FRY: variants seen among roughly 807,000 people sequenced by gnomAD.
FRY encodes protein furry homolog.
Under a neutral mutation model 348.4 loss-of-function variants are expected in FRY, and 128 were observed. That is an observed-to-expected ratio of 0.37 (90% CI 0.32 to 0.43). FRY has a LOEUF of 0.43. Among genes scored for constraint, FRY ranks in the 20% least tolerant of loss-of-function variants. FRY has a pLI of 1.00. For synonymous variants in FRY, 1,370 were observed against 1,374.7 expected (o/e 1.00, Z 0.08); for missense variants, 2,736 against 3,695.2 (o/e 0.74, Z 6.73).
At chr13:32,261,013 T>A (rs990654798) in intron 51 of FRY, among the ~76,000 whole-genome samples, 1 of 152,178 alleles carries the variant, frequency 6.6e-6, no homozygotes, top group Non-Finnish European at 1.5e-5. Context: ...AAAGTTAAGG[T>A]GTTGCTGCTC....
At chr13:32,290,755 C>T (rs1191908836) in intron 59 of FRY, among the ~76,000 whole-genome samples, 1 of 151,086 alleles carries the variant, frequency 6.6e-6, no homozygotes, top group Non-Finnish European at 1.5e-5. Context: ...GGGACAGAAG[C>T]GCTAGGTATG....
intron 4 of FRY, among the ~76,000 whole-genome samples, chr13:32,120,790 T>C (rs1207458563): frequency 6.6e-6 from 1 of 152,208 alleles, no homozygotes; most frequent in Non-Finnish European, 1.5e-5. Context: ...GCCTCCCAAG[T>C]AGCTGGAACT....
intron 2 of FRY, among the ~76,000 whole-genome samples, chr13:32,079,304 G>T (rs1875320146): frequency 6.6e-6 from 1 of 152,076 alleles, no homozygotes; most frequent in Non-Finnish European, 1.5e-5. Context: ...AATTTAACAA[G>T]AAGAAGTATC....
rs1169375154 is a variant in FRY, at chr13:32,265,588, C to T, written c.7918C>T (p.Arg2640Trp). 3.7e-6 allele frequency: 6 copies of T among 1,614,128 alleles called. No homozygotes were observed. The highest frequency in any genetic ancestry group is 1.1e-5 in the South Asian group (1 of 91,068). The change falls in exon 54 of 61, where the codon CGG (arginine) becomes TGG (tryptophan). Residue 2640 changes from arginine to tryptophan, a missense_variant. Physicochemically the swap from Arg to Trp is moderately radical, Grantham distance 101. This residue lies in a region of FRY where 789 missense variants were observed against 996.2 expected (regional missense o/e 0.79). Coordinates refer to ENST00000542859, the MANE Select transcript of FRY (RefSeq NM_023037.3). ...DMTEGEEKGN[R>W]ALDQFTLASF... Reference sequence around the variant, plus strand: ...GACTGAGGGGGAAGAAAAAGGCAATCGGGCACTGGACCAGTTTACCCTGGC... The same window carrying T: ...GACTGAGGGGGAAGAAAAAGGCAATTGGGCACTGGACCAGTTTACCCTGGC...
At chr13:32,270,204 A>G (rs1421516300) in intron 55 of FRY, among the ~76,000 whole-genome samples, 1 of 151,430 alleles carries the variant, frequency 6.6e-6, no homozygotes, top group East Asian at 1.9e-4. Context: ...ATATTTTTCT[A>G]AAAGCTTTTT....
Position 32,228,571 on chromosome 13 carries a change from G to A in FRY, c.5322G>A (p.Gln1774=). ...GAGGCAGCAGTGGAAACCTCCCACA[G>A]ATGACCCAGGAGGTAGAAGATGTGG... ...SLGGSSGNLP[Q]MTQEVEDVDT... The change falls in exon 40 of 61, where the codon CAG becomes CAA. Residue 1774 remains glutamine, a synonymous_variant. Coordinates refer to ENST00000542859, the MANE Select transcript of FRY (RefSeq NM_023037.3). 6.2e-7 allele frequency: 1 copy of A among 1,614,014 alleles called. No individual in the cohort carries two copies. The highest frequency in any genetic ancestry group is 1.1e-5 in the South Asian group (1 of 91,074).
Position 32,209,151 on chromosome 13 carries a change from C to T in FRY, c.4275+42C>T, listed in dbSNP as rs761212142. ...TGTGCTTCAAATAGCATGGCTCCAT[C>T]ATCAGAAAAAAACCCTGGGTTAGTC... On this transcript the variant is annotated intron_variant, in intron 32 of 60. Coordinates refer to ENST00000542859, the MANE Select transcript of FRY (RefSeq NM_023037.3). 8.7e-6 allele frequency: 14 copies of T among 1,611,796 alleles called. No individual in the cohort carries two copies. In the South Asian group the frequency reaches 1.1e-4, roughly 13 times the overall value.
At chr13:32,033,210 A>G (rs1306440527) in intron 1 of FRY, among the ~76,000 whole-genome samples, 1 of 152,124 alleles carries the variant, frequency 6.6e-6, no homozygotes, top group African/African-American at 2.4e-5. Context: ...TGGACTCATT[A>G]TTTTTATAAT....
At chr13:32,111,935 A>G (rs958305498) in intron 3 of FRY, among the ~76,000 whole-genome samples, 1 of 152,170 alleles carries the variant, frequency 6.6e-6, no homozygotes, top group Non-Finnish European at 1.5e-5. Context: ...CTTTCTCTCA[A>G]GGGTCTAATG....
chr13:32,126,208 G>A (rs1879006922), intron 7 of FRY, among the ~76,000 whole-genome samples: 1 of 152,176 alleles, frequency 6.6e-6, no homozygotes, highest in South Asian at 2.1e-4. Flanking sequence ...TATACTTGCT[G>A]ATTTGTCAAA....
At chr13:32,042,363 T>C (rs1472599018) in intron 1 of FRY, among the ~76,000 whole-genome samples, 3 of 152,240 alleles carry the variant, frequency 2.0e-5, no homozygotes, top group Admixed American at 6.5e-5. Flanking sequence ...GGTTATTACA[T>C]AGAACATATT....
rs1368618910 is a variant in FRY at position 32,234,785 on chromosome 13, C to G, written c.5715+24C>G. On this transcript the variant is annotated intron_variant, in intron 42 of 60. Transcript: ENST00000542859. ...AGGTATGGAAGGGAAGACCACTGAG[C>G]TCGTGAAGGATGAGCTCTCTCATCT... is the stretch of plus-strand genomic sequence containing the variant. The G allele has an allele frequency of 3.1e-6, 5 of 1,589,166 alleles. No homozygotes were observed. In the South Asian group the frequency reaches 4.4e-5, roughly 14 times the overall value.
In FRY at chr13:32,119,749, C is replaced by T. The variant is rs192801937; in HGVS notation, c.464+2276C>T. 2.6e-4 allele frequency among the ~76,000 whole-genome samples: 40 copies of T among 152,276 alleles called. No individual in the cohort carries two copies. In the East Asian group the frequency reaches 7.5e-3, roughly 29 times the overall value. On this transcript the variant is annotated intron_variant, in intron 4 of 60. Coordinates refer to ENST00000542859, the MANE Select transcript of FRY (RefSeq NM_023037.3). ...ATAGATTTTCCTTTCCCCCAGCTCG[C>T]AGTGCCGCTTACTAGTTCCAGTGGG...
At chr13:32,167,585 T>C (rs915603587) in intron 17 of FRY, among the ~76,000 whole-genome samples, 1 of 152,176 alleles carries the variant, frequency 6.6e-6, no homozygotes, top group African/African-American at 2.4e-5. Flanking sequence ...CCAAATAAGG[T>C]CACATTCTGA....
intron 8 of FRY, among the ~76,000 whole-genome samples, chr13:32,133,300 G>A (rs1879487795): frequency 6.6e-6 from 1 of 152,158 alleles, no homozygotes; most frequent in Admixed American, 6.5e-5. Context: ...GACCTGACCA[G>A]TCACACTTAA....
At chr13:32,057,257 T>G (rs953980065) in intron 1 of FRY, among the ~76,000 whole-genome samples, 1 of 152,054 alleles carries the variant, frequency 6.6e-6, no homozygotes, top group Non-Finnish European at 1.5e-5. Flanking sequence ...TGCAACCTTC[T>G]GTCTCCCGGT....
chr13:32,194,002 T>C, intron 28 of FRY, 141 bp from the exon 29 acceptor site: 1 of 782,106 alleles, frequency 1.3e-6, no homozygotes, highest in Admixed American at 1.9e-5. Context: ...TCTTGAAGAA[T>C]ATATGACATA....
At chr13:32,050,088 A>G (rs1274803609) in intron 1 of FRY, among the ~76,000 whole-genome samples, 1 of 152,208 alleles carries the variant, frequency 6.6e-6, no homozygotes, top group Non-Finnish European at 1.5e-5. Flanking sequence ...CTATACATTC[A>G]TTTTATAGTT....
chr13:32,265,485 G>T lies in FRY; in HGVS notation c.7815G>T (p.Val2605=). The part of the protein sequence containing the change: ...EAVREEEDTT[V]HEDDLSSSIN... The stretch of plus-strand genomic sequence containing the variant: ...TTCGTGAGGAGGAGGACACCACCGT[G>T]CATGAGGATGATCTTTCTAGTTCCA... Residue 2605 remains valine (V), a synonymous_variant, in exon 54 of 61, where the codon GTG becomes GTT. Transcript: ENST00000542859. 2 of 1,614,172 alleles carry T rather than the reference G, an allele frequency of 1.2e-6. No homozygotes were observed. Among genetic ancestry groups the T allele is most frequent in the Non-Finnish European group, 1.7e-6 (2 of 1,180,032 alleles).
Sources: allele counts gnomAD v4.1 joint callset (sites outside exome capture counted in the v4.1 genomes callset), GRCh38; gene constraint gnomAD v4.1.1; regional missense constraint gnomAD v4.1.1; transcripts MANE v1.5; gene names NCBI Gene and HGNC (gene_info 2026-07-23, HGNC 2026-07-21).